Variants in MIOS observed in about 807,000 individuals in gnomAD.
MIOS encodes GATOR2 complex protein MIOS.
Under a neutral mutation model 96.9 loss-of-function variants are expected in MIOS, and 52 were observed. That is an observed-to-expected ratio of 0.54 (90% CI 0.43 to 0.68). The LOEUF (loss-of-function observed/expected upper bound fraction) is 0.68, where lower values mean the gene tolerates loss of function less well. MIOS is among the 30% of genes least tolerant of loss of function. MIOS has a pLI of 0.00. For synonymous variants in MIOS, 397 were observed against 359.5 expected (o/e 1.10, Z -1.18); for missense variants, 1,005 against 1,052.8 (o/e 0.95, Z 0.63).
At position 7,607,355 on chromosome 7, in the gene MIOS, T is replaced by TGAAA; in HGVS notation, c.*263_*264insGAAA. ...TCTGATTTAGAAAAACTTTCTAAGT[T>TGAAA]TTGGTTGAAATTATGAACACTCTAG... On this transcript the variant is annotated 3_prime_UTR_variant, in exon 13 of 13. Transcript: ENST00000340080. The TGAAA allele has an allele frequency of 3.7e-6, 1 of 267,792 alleles. No individual in the cohort carries two copies. The allele number at this position is 267,792 out of a possible 1,614,324, so 16.6% of individuals were successfully genotyped here. A position where few individuals can be genotyped will look rare whatever the true frequency, so the allele number is the denominator to read the frequency against.
intron 5 of MIOS, among the ~76,000 whole-genome samples, chr7:7,582,247 ATAATT>A (rs1257450020): frequency 6.6e-6 from 1 of 152,250 alleles, no homozygotes; most frequent in Non-Finnish European, 1.5e-5. Flanking sequence ...TGCCTAATTC[ATAATT>A]TAGTTTATTC....
At chr7:7,593,901 A>AAAAAAAAAAAAAAAAAAC (rs376486803) in intron 9 of MIOS, among the ~76,000 whole-genome samples, 1 of 145,040 alleles carries the variant, frequency 6.9e-6, no homozygotes. Flanking sequence ...AAAAAGAAAA[A>AAAAAAAAAAAAAAAAAAC]GAAAAGAAAA....
chr7:7,569,249 C>T (rs779974930), intron 3 of MIOS, among the ~76,000 whole-genome samples: 3 of 152,156 alleles, frequency 2.0e-5, no homozygotes, highest in Non-Finnish European at 2.9e-5. Context: ...CCCTCTTCCT[C>T]CTCATTCTTA....
intron 9 of MIOS, among the ~76,000 whole-genome samples, chr7:7,592,111 C>G (rs541838228): frequency 4.3e-4 from 66 of 152,256 alleles, no homozygotes; most frequent in African/African-American, 1.6e-3. Context: ...GCCTCAGCCT[C>G]CCGAGTAGCT....
intron 11 of MIOS, among the ~76,000 whole-genome samples, chr7:7,598,749 A>G (rs967130316): frequency 5.9e-5 from 9 of 152,202 alleles, no homozygotes; most frequent in Non-Finnish European, 8.8e-5. Context: ...CCAGTTTTTC[A>G]ATCTTTTCTA....
chr7:7,602,680 C>T (rs1259591713), intron 11 of MIOS, among the ~76,000 whole-genome samples: 3 of 152,118 alleles, frequency 2.0e-5, no homozygotes, highest in Admixed American at 6.5e-5. Flanking sequence ...GTGCCATCCC[C>T]ATCAAGCTAC....
intron 11 of MIOS, among the ~76,000 whole-genome samples, chr7:7,598,887 T>C (rs1784291438): frequency 6.6e-6 from 1 of 152,138 alleles, no homozygotes; most frequent in Non-Finnish European, 1.5e-5. Context: ...TATTAACATT[T>C]TTCCATATTT....
chr7:7,587,903 T>A (rs1583641987), intron 7 of MIOS, among the ~76,000 whole-genome samples: 1 of 152,198 alleles, frequency 6.6e-6, no homozygotes, highest in Non-Finnish European at 1.5e-5. Flanking sequence ...AAGTGTTTCA[T>A]GATATTGACG....
chr7:7,606,473 C>T (rs893077132), intron 12 of MIOS, among the ~76,000 whole-genome samples: 4 of 152,138 alleles, frequency 2.6e-5, no homozygotes, highest in Non-Finnish European at 5.9e-5. Flanking sequence ...TATGTAGTCA[C>T]GCAATTAAGA....
chr7:7,586,988 CTTTT>C (rs71988879), intron 7 of MIOS, among the ~76,000 whole-genome samples: 42 of 123,026 alleles, frequency 3.4e-4, no homozygotes, highest in Middle Eastern at 4.3e-3. Flanking sequence ...TTTTCTTTCC[CTTTT>C]TTTTTTTTTT....
Position 7,608,582 on chromosome 7 carries a change from A to G in MIOS, c.*1490A>G, listed in dbSNP as rs1008024818. 1 of 151,972 alleles carries G rather than the reference A, an allele frequency of 6.6e-6. No individual in the cohort carries two copies. The highest frequency in any genetic ancestry group is 1.5e-5 in the Non-Finnish European group (1 of 67,914). 9.4% of individuals were successfully genotyped at this position (151,972 alleles called of 1,614,324 possible). On this transcript the variant is annotated 3_prime_UTR_variant, in exon 13 of 13. Transcript: ENST00000340080. Reference sequence around the variant, plus strand: ...TTGCAATTTTTTTTTAAAGATTGCTATTAAGGGTACTTTTTCCAGCCTTCA... The same window carrying G: ...TTGCAATTTTTTTTTAAAGATTGCTGTTAAGGGTACTTTTTCCAGCCTTCA...
At chr7:7,574,822 A>C in intron 5 of MIOS, among the ~76,000 whole-genome samples, 1 of 151,888 alleles carries the variant, frequency 6.6e-6, no homozygotes, top group Middle Eastern at 3.4e-3. Flanking sequence ...AGTTGTTCCT[A>C]TTCTTTTACT....
chr7:7,600,512 A>G (rs1784344388), intron 11 of MIOS, among the ~76,000 whole-genome samples: 1 of 152,120 alleles, frequency 6.6e-6, no homozygotes, highest in Non-Finnish European at 1.5e-5. Flanking sequence ...AACACGAAGA[A>G]CTAACTATCC....
intron 5 of MIOS, among the ~76,000 whole-genome samples, chr7:7,579,340 A>G (rs907734097): frequency 6.6e-6 from 1 of 152,232 alleles, no homozygotes; most frequent in Non-Finnish European, 1.5e-5. Flanking sequence ...TGCAGGACAT[A>G]TTAATATTTC....
intron 5 of MIOS, 117 bp from the exon 6 acceptor site, chr7:7,583,001 A>C (rs1403783469): frequency 8.4e-7 from 1 of 1,185,124 alleles, no homozygotes; most frequent in Admixed American, 2.9e-5. Context: ...CACTATCATA[A>C]AATTATGGCC....
intron 5 of MIOS, among the ~76,000 whole-genome samples, chr7:7,575,864 T>C (rs1426505869): frequency 6.6e-6 from 1 of 151,208 alleles, no homozygotes; most frequent in African/African-American, 2.4e-5. Flanking sequence ...CATTCTCTCA[T>C]TGCTAGGTTT....
chr7:7,598,610 CAT>C (rs1461360297), intron 11 of MIOS, among the ~76,000 whole-genome samples: 1 of 152,004 alleles, frequency 6.6e-6, no homozygotes, highest in African/African-American at 2.4e-5. Context: ...ATAAATAAGA[CAT>C]ATATGTGTAT....
Position 7,585,753 on chromosome 7 carries a change from G to T in MIOS, c.1766G>T (p.Cys589Phe). The T allele has an allele frequency of 1.2e-6, 2 of 1,612,086 alleles. No homozygotes were observed. The highest frequency in any genetic ancestry group is 1.7e-6 in the Non-Finnish European group (2 of 1,179,082). The part of the protein sequence containing the change: ...LRLQLNNPYL[C>F]VMFAFLTSET... ...TTACAGCTAAATAACCCGTATTTGT[G>T]TGTCATGTTTGCATTTCTGACAAGT... Residue 589 changes from cysteine (C) to phenylalanine (F), a missense_variant, in exon 7 of 13, where the codon TGT (cysteine) becomes TTT (phenylalanine). This residue lies in a region of MIOS where 865 missense variants were observed against 887.9 expected (regional missense o/e 0.97). Transcript: ENST00000340080.
chr7:7,585,500 C>T (rs1783861069), intron 6 of MIOS, 136 bp from the exon 7 acceptor site: 1 of 622,218 alleles, frequency 1.6e-6, no homozygotes, highest in Non-Finnish European at 2.4e-6. Flanking sequence ...GGCAGAGCAG[C>T]CCAAAACCCT....
Sources: gnomAD v4.1 joint callset for allele counts (sites outside exome capture counted in the v4.1 genomes callset) on GRCh38, gnomAD v4.1.1 for gene constraint, gnomAD v4.1.1 regional missense constraint, MANE v1.5 for transcripts, NCBI Gene and HGNC (gene_info 2026-07-23, HGNC 2026-07-21) for gene names.